Variants in USP22 observed in about 807,000 individuals in gnomAD.
The protein encoded by USP22 is ubiquitin carboxyl-terminal hydrolase 22.
A neutral mutation model predicts 68.1 loss-of-function variants in USP22; 22 were observed. That is an observed-to-expected ratio of 0.32 (90% CI 0.23 to 0.46). The LOEUF (loss-of-function observed/expected upper bound fraction) is 0.46, where lower values mean the gene tolerates loss of function less well. Ranked by LOEUF, USP22 falls within the 20% of genes least tolerant of loss-of-function variation. The pLI, the probability that USP22 is intolerant of heterozygous loss-of-function variation, is 1.00. For synonymous variants in USP22, 279 were observed against 274.2 expected (o/e 1.02, Z -0.17); for missense variants, 433 against 695.8 (o/e 0.62, Z 4.25).
At position 21,007,876 on chromosome 17, in the gene USP22, A is replaced by G; in HGVS notation, c.1224T>C (p.His408=). Residue 408 remains histidine (H), a synonymous_variant, in exon 9 of 13, where the codon CAT becomes CAC. Transcript: ENST00000261497. ...GGCTTTCTGGAAAACTTACTTTGAGATGAAAACAGGCTACGATGGGCAGTT... is the reference window on the plus strand; with the variant it reads ...GGCTTTCTGGAAAACTTACTTTGAGGTGAAAACAGGCTACGATGGGCAGTT... The part of the protein sequence containing the change: ...MKKLPIVACF[H]LKRFEHSAKL... 6.2e-7 allele frequency: 1 copy of G among 1,614,218 alleles called. No individual in the cohort carries two copies. Among genetic ancestry groups the G allele is most frequent in the South Asian group, 1.1e-5 (1 of 91,088 alleles).
Position 21,021,092 on chromosome 17 carries a change from TAAAC to T in USP22, c.418+17_418+20del. 1 of 1,589,074 alleles carries T rather than the reference TAAAC, an allele frequency of 6.3e-7. No homozygotes were observed. Among genetic ancestry groups the T allele is most frequent in the Middle Eastern group, 1.7e-4 (1 of 6,014 alleles). ...TGAGGGAACTGCAGGATCAAGCAGG[TAAAC>T]TGAGGTGGAACCAAACCTTGCATTT... On this transcript the variant is annotated intron_variant, in intron 3 of 12. Coordinates refer to ENST00000261497, the MANE Select transcript of USP22 (RefSeq NM_015276.2).
chr17:21,009,816 A>G (rs933691744), intron 8 of USP22, among the ~76,000 whole-genome samples: 2 of 152,148 alleles, frequency 1.3e-5, no homozygotes, highest in African/African-American at 4.8e-5. Flanking sequence ...TTAGCCGGAT[A>G]TGGTAGCAAG....
At chr17:21,016,389 G>GACCCAGA (rs201223092) in intron 5 of USP22, among the ~76,000 whole-genome samples, 1 of 152,178 alleles carries the variant, frequency 6.6e-6, no homozygotes, top group African/African-American at 2.4e-5. Flanking sequence ...CTCAACTCCA[G>GACCCAGA]CCGCAGACCC....
At chr17:21,038,929 G>C (rs976438539) in intron 1 of USP22, among the ~76,000 whole-genome samples, 1 of 151,972 alleles carries the variant, frequency 6.6e-6, no homozygotes, top group East Asian at 1.9e-4. Context: ...CACTGTGGTC[G>C]TGCCAGTCCT....
intron 1 of USP22, among the ~76,000 whole-genome samples, chr17:21,033,484 C>T (rs1003558484): frequency 6.6e-6 from 1 of 152,084 alleles, no homozygotes; most frequent in African/African-American, 2.4e-5. Context: ...AAGAAGGATG[C>T]GGAGGAGCAA....
Position 21,019,124 on chromosome 17 carries a change from G to A in USP22, c.480C>T (p.His160=), listed in dbSNP as rs1972123402. ...AGGTGATCTTTCTCCTTTTCGGGTT[G>A]TGCTTCAGCAGTTCAAGCTCCCGTT... is the stretch of plus-strand genomic sequence containing the variant. ...PTKRELELLK[H]NPKRRKITSN... Residue 160 remains histidine, a synonymous_variant, in exon 4 of 13, where the codon CAC becomes CAT. Transcript: ENST00000261497. The A allele has an allele frequency of 3.7e-6, 6 of 1,614,240 alleles. No homozygotes were observed. Among genetic ancestry groups the A allele is most frequent in the Non-Finnish European group, 5.1e-6 (6 of 1,180,026 alleles).
At chr17:21,003,101 T>C (rs1567788687) in intron 12 of USP22, 28 bp from the exon 13 acceptor site, 3 of 1,613,212 alleles carry the variant, frequency 1.9e-6, no homozygotes, top group Non-Finnish European at 2.5e-6. Flanking sequence ...GGGAGGAGGC[T>C]CACCTCTAAC....
Position 21,002,955 on chromosome 17 carries a change from G to C in USP22, c.*76C>G, listed in dbSNP as rs965433916. ...GGAGGCGGCGGGAGACTTGGGGGAG[G>C]GGGGGGCCAGGGAGGATCACTTTGT... On this transcript the variant is annotated 3_prime_UTR_variant, in exon 13 of 13. Transcript: ENST00000261497. 2.5e-4 allele frequency: 399 copies of C among 1,569,882 alleles called. 1 individual carries two copies. The highest frequency in any genetic ancestry group is 2.8e-4 in the Non-Finnish European group (324 of 1,146,272).
intron 8 of USP22, among the ~76,000 whole-genome samples, chr17:21,009,064 C>A (rs1415688059): frequency 2.9e-5 from 4 of 138,398 alleles, no homozygotes; most frequent in Admixed American, 7.8e-5. Flanking sequence ...GCACTCCAGC[C>A]TGGGCAACAA....
chr17:21,005,050 G>C, intron 10 of USP22, 60 bp from the exon 11 acceptor site: 2 of 1,589,590 alleles, frequency 1.3e-6, no homozygotes, highest in Non-Finnish European at 1.7e-6. Flanking sequence ...GAGACACAAG[G>C]CTCTCGTGAA....
rs544840169 is a variant in USP22, at chr17:21,007,031, AG to A, written c.1231-45del. On this transcript the variant is annotated intron_variant, in intron 9 of 12. Transcript: ENST00000261497. ...GACAGAGGGAAGAGGAAAGAAGATCAGAAATGTCACTGGAAGCTTCAGGGCC... is the reference window on the plus strand; with the variant it reads ...GACAGAGGGAAGAGGAAAGAAGATCAAAATGTCACTGGAAGCTTCAGGGCC... 273 of 1,523,144 alleles carry A rather than the reference AG, an allele frequency of 1.8e-4. 1 individual carries two copies. In the African/African-American group the frequency reaches 3.2e-3, roughly 18 times the overall value. 94.4% of individuals were successfully genotyped at this position (1,523,144 alleles called of 1,614,324 possible).
At chr17:21,020,871 G>C (rs1311250968) in intron 3 of USP22, among the ~76,000 whole-genome samples, 1 of 152,132 alleles carries the variant, frequency 6.6e-6, no homozygotes, top group Non-Finnish European at 1.5e-5. Flanking sequence ...ACCTGCAAGG[G>C]AAGCACCCTG....
In USP22 at chr17:21,002,895, C is replaced by A. The variant is rs1913638880; in HGVS notation, c.*136G>T. 2.8e-6 allele frequency: 3 copies of A among 1,058,344 alleles called. No homozygotes were observed. Among genetic ancestry groups the A allele is most frequent in the East Asian group, 2.4e-5 (1 of 41,110 alleles). 65.6% of individuals were successfully genotyped at this position (1,058,344 alleles called of 1,614,324 possible). A position where few individuals can be genotyped will look rare whatever the true frequency, so the allele number is the denominator to read the frequency against. ...CCGATGGGTCCCAGGTGCAGAGGGG[C>A]CACATCTGCATGGGAGGTGGTGTCA... On this transcript the variant is annotated 3_prime_UTR_variant, in exon 13 of 13. Coordinates refer to ENST00000261497, the MANE Select transcript of USP22 (RefSeq NM_015276.2).
At chr17:21,029,412 C>A (rs1324492823) in intron 1 of USP22, among the ~76,000 whole-genome samples, 1 of 152,234 alleles carries the variant, frequency 6.6e-6, no homozygotes, top group Non-Finnish European at 1.5e-5. Context: ...ACTATGTACC[C>A]ATCAGATTTT....
chr17:21,022,716 G>A (rs964843537), intron 2 of USP22, among the ~76,000 whole-genome samples: 12 of 151,676 alleles, frequency 7.9e-5, no homozygotes, highest in East Asian at 7.8e-4. Flanking sequence ...GGAGAATGGC[G>A]TGAACCTGGG....
chr17:21,012,136 A>AG (rs1280489556), intron 7 of USP22, among the ~76,000 whole-genome samples: 1 of 152,138 alleles, frequency 6.6e-6, no homozygotes, highest in Admixed American at 6.5e-5. Flanking sequence ...TGAAGTAAAG[A>AG]ACAGAGCCAG....
At chr17:21,035,767 A>T (rs1415386365) in intron 1 of USP22, among the ~76,000 whole-genome samples, 2 of 152,172 alleles carry the variant, frequency 1.3e-5, no homozygotes, top group African/African-American at 4.8e-5. Flanking sequence ...GCGGTGGCTC[A>T]CGCCTGTAAT....
At chr17:21,006,658 C>T in intron 10 of USP22, 1 of 217,026 alleles carries the variant, frequency 4.6e-6, no homozygotes. Flanking sequence ...GTGCCTGCCA[C>T]CACACCCAGC....
intron 2 of USP22, among the ~76,000 whole-genome samples, chr17:21,027,170 G>A (rs574012747): frequency 6.6e-6 from 1 of 150,964 alleles, no homozygotes; most frequent in Non-Finnish European, 1.5e-5. Flanking sequence ...GTGTGTGCCT[G>A]TGGTCCCAAC....
Sources: gnomAD v4.1 joint callset for allele counts (sites outside exome capture counted in the v4.1 genomes callset) on GRCh38, gnomAD v4.1.1 for gene constraint, MANE v1.5 for transcripts, NCBI Gene and HGNC (gene_info 2026-07-23, HGNC 2026-07-21) for gene names.